The following SIPA1L1 variants were observed in gnomAD, a reference collection of about 807,000 sequenced individuals.
SIPA1L1 encodes signal induced proliferation associated 1 like 1.
Under a neutral mutation model 162.7 loss-of-function variants are expected in SIPA1L1, and 26 were observed. The ratio of observed to expected loss-of-function variants is 0.16; its 90% CI spans 0.12 to 0.22. The LOEUF (loss-of-function observed/expected upper bound fraction) is 0.22. SIPA1L1 is among the 10% of genes least tolerant of loss of function. The pLI is 1.00. For synonymous variants in SIPA1L1, 829 were observed against 837.4 expected, an observed-to-expected ratio of 0.99 and a Z score of 0.17; for missense variants, 1,874 against 2,241.0, an observed-to-expected ratio of 0.84 and a Z score of 3.31.
intron 2 of SIPA1L1, among the ~76,000 whole-genome samples, chr14:71,341,793 A>G (rs1467728239): frequency 6.6e-6 from 1 of 152,150 alleles, no homozygotes; most frequent in Non-Finnish European, 1.5e-5. Context: ...GCTTAGAATA[A>G]CGGCCTCCAG....
At chr14:71,623,542 C>T (rs951278888) in intron 6 of SIPA1L1, among the ~76,000 whole-genome samples, 7 of 152,088 alleles carry the variant, frequency 4.6e-5, no homozygotes, top group Non-Finnish European at 1.0e-4. Flanking sequence ...GATAATTGTC[C>T]GGTGGCAGCA....
chr14:71,705,197 C>T (rs777661604), intron 15 of SIPA1L1, 25 bp from the exon 16 acceptor site: 1 of 1,526,776 alleles, frequency 6.5e-7, no homozygotes. Flanking sequence ...GTGCCTGCAC[C>T]ATAATGTCCT....
At chr14:71,624,303 C>T in intron 7 of SIPA1L1, 67 bp downstream of exon 7, 1 of 1,291,672 alleles carries the variant, frequency 7.7e-7, no homozygotes, top group East Asian at 2.4e-5. Flanking sequence ...GAATACAGAC[C>T]TTAATGTTTC....
chr14:71,403,618 A>AT (rs1435491683), intron 2 of SIPA1L1, among the ~76,000 whole-genome samples: 1 of 151,864 alleles, frequency 6.6e-6, no homozygotes, highest in Non-Finnish European at 1.5e-5. Context: ...AAAAAAAAAA[A>AT]AAAAAATCTT....
intron 2 of SIPA1L1, among the ~76,000 whole-genome samples, chr14:71,428,517 G>A (rs2043750769): frequency 1.3e-5 from 2 of 151,816 alleles, no homozygotes; most frequent in Non-Finnish European, 2.9e-5. Context: ...GCATGGTCAC[G>A]TTCTAATTTT....
At chr14:71,596,298 G>A (rs970515430) in intron 5 of SIPA1L1, among the ~76,000 whole-genome samples, 5 of 152,244 alleles carry the variant, frequency 3.3e-5, no homozygotes, top group South Asian at 2.1e-4. Context: ...GCCAGGTCCT[G>A]TTACCCCAGC....
intron 5 of SIPA1L1, among the ~76,000 whole-genome samples, chr14:71,595,009 CAGCGTGGCTCAGCTGCA>C (rs1183027515): frequency 2.6e-5 from 4 of 152,106 alleles, no homozygotes; most frequent in Non-Finnish European, 4.4e-5. Flanking sequence ...CTCAAAGTCC[CAGCGTGGCTCAGCTGCA>C]AGCGTGGCTC....
intron 7 of SIPA1L1, among the ~76,000 whole-genome samples, chr14:71,628,587 A>G (rs1288468087): frequency 1.3e-5 from 2 of 152,244 alleles, no homozygotes; most frequent in Non-Finnish European, 2.9e-5. Flanking sequence ...TAAATACTGT[A>G]GAGAACAAAA....
At chr14:71,646,240 T>G (rs372694111) in intron 7 of SIPA1L1, among the ~76,000 whole-genome samples, 3 of 151,124 alleles carry the variant, frequency 2.0e-5, no homozygotes, top group African/African-American at 7.3e-5. Context: ...GCAGTGGCGC[T>G]ATCTCGGCTC....
intron 2 of SIPA1L1, among the ~76,000 whole-genome samples, chr14:71,406,028 G>A (rs983637364): frequency 2.2e-4 from 34 of 152,214 alleles, no homozygotes; most frequent in Admixed American, 2.2e-3. Context: ...CTGGGGTAGC[G>A]TCTCGTCGAG....
intron 17 of SIPA1L1, among the ~76,000 whole-genome samples, chr14:71,710,017 T>C (rs1477734872): frequency 6.6e-6 from 1 of 152,246 alleles, no homozygotes; most frequent in Non-Finnish European, 1.5e-5. Flanking sequence ...TTTTGAAGAC[T>C]ATGTTTTTAA....
chr14:71,510,083 A>G (rs1246798456), intron 2 of SIPA1L1, among the ~76,000 whole-genome samples: 1 of 152,040 alleles, frequency 6.6e-6, no homozygotes, highest in African/African-American at 2.4e-5. Context: ...ATTTTATTTA[A>G]CAGTTCTTGG....
intron 16 of SIPA1L1, among the ~76,000 whole-genome samples, chr14:71,705,819 A>G (rs1377105712): frequency 6.6e-6 from 1 of 152,004 alleles, no homozygotes; most frequent in Non-Finnish European, 1.5e-5. Context: ...TCATAGCCAT[A>G]CACATTTCAT....
intron 14 of SIPA1L1, among the ~76,000 whole-genome samples, chr14:71,701,841 G>A (rs1035345875): frequency 6.6e-6 from 1 of 152,086 alleles, no homozygotes; most frequent in African/African-American, 2.4e-5. Context: ...CAGTTTGAAC[G>A]TGGTTTCTAC....
intron 7 of SIPA1L1, among the ~76,000 whole-genome samples, chr14:71,643,758 A>G (rs2041923171): frequency 6.6e-6 from 1 of 152,078 alleles, no homozygotes; most frequent in African/African-American, 2.4e-5. Flanking sequence ...ATAATTGTGG[A>G]TATTTTCCTT....
intron 7 of SIPA1L1, among the ~76,000 whole-genome samples, chr14:71,649,753 C>G (rs969193320): frequency 6.6e-6 from 1 of 151,968 alleles, no homozygotes; most frequent in Admixed American, 6.6e-5. Context: ...AGAAGTTGCT[C>G]TAAGTACAGT....
chr14:71,654,912 T>C (rs1596679446), intron 8 of SIPA1L1, among the ~76,000 whole-genome samples: 2 of 152,302 alleles, frequency 1.3e-5, no homozygotes, highest in Middle Eastern at 6.8e-3. Flanking sequence ...ACTAAAAATA[T>C]TATAATAAGA....
At chr14:71,476,013 G>T (rs2047818742) in intron 2 of SIPA1L1, among the ~76,000 whole-genome samples, 1 of 152,198 alleles carries the variant, frequency 6.6e-6, no homozygotes, top group Non-Finnish European at 1.5e-5. Context: ...CTAGCAGGAG[G>T]TTTACAGTGA....
intron 3 of SIPA1L1, among the ~76,000 whole-genome samples, chr14:71,519,295 C>A (rs2052060940): frequency 6.6e-6 from 1 of 151,634 alleles, no homozygotes; most frequent in Non-Finnish European, 1.5e-5. Context: ...TGAGAACCTG[C>A]CTCAAACAAA....
Sources: gnomAD v4.1 joint callset for allele counts (sites outside exome capture counted in the v4.1 genomes callset) on GRCh38, gnomAD v4.1.1 for gene constraint, MANE v1.5 for transcripts, NCBI Gene and HGNC (gene_info 2026-07-23, HGNC 2026-07-21) for gene names.